The following DTNA variants were observed in gnomAD, a reference collection of about 807,000 sequenced individuals.
The protein encoded by DTNA is dystrophin-related protein 3.
A neutral mutation model predicts 100.7 loss-of-function variants in DTNA; 43 were observed. The observed-to-expected ratio is 0.43, with a 90% CI of 0.33 to 0.55. The LOEUF is 0.55. Ranked by LOEUF, DTNA falls within the 20% of genes least tolerant of loss-of-function variation. DTNA has a pLI of 0.04. For synonymous variants in DTNA, 349 were observed against 347.9 expected (o/e 1.00, Z -0.04); for missense variants, 798 against 953.9 (o/e 0.84, Z 2.15).
intron 1 of DTNA, among the ~76,000 whole-genome samples, chr18:34,535,274 C>A (rs2043580500): frequency 6.6e-6 from 1 of 152,028 alleles, no homozygotes; most frequent in African/African-American, 2.4e-5. Context: ...CGTTTCTTGG[C>A]CAGATAAATG....
In DTNA at chr18:34,888,949, T is replaced by G. The variant is rs959276939; in HGVS notation, c.*1215T>G. On this transcript the variant is annotated 3_prime_UTR_variant, in exon 23 of 23. Transcript: ENST00000444659. ...TCATGTGAAAGGAGACAGGCTCTTC[T>G]AAGTTGAGTTGGGATTTTTGCACTC... is the stretch of plus-strand genomic sequence containing the variant. 2.0e-6 allele frequency: 2 copies of G among 985,754 alleles called. No homozygotes were observed. The highest frequency in any genetic ancestry group is 3.5e-5 in the African/African-American group (2 of 57,240). 61.1% of individuals were successfully genotyped at this position (985,754 alleles called of 1,614,324 possible).
At chr18:34,659,169 A>G (rs2074815370) in intron 1 of DTNA, among the ~76,000 whole-genome samples, 3 of 152,176 alleles carry the variant, frequency 2.0e-5, no homozygotes, top group Admixed American at 1.3e-4. Context: ...GTACTATCCA[A>G]TAGAAACAGG....
intron 5 of DTNA, among the ~76,000 whole-genome samples, chr18:34,809,421 A>G (rs1224463237): frequency 3.9e-5 from 6 of 152,170 alleles, no homozygotes; most frequent in Admixed American, 3.9e-4. Flanking sequence ...ACGCCACTAC[A>G]CTGGGCAACA....
At chr18:34,539,754 T>G (rs1255907266) in intron 1 of DTNA, among the ~76,000 whole-genome samples, 3 of 151,958 alleles carry the variant, frequency 2.0e-5, no homozygotes, top group Non-Finnish European at 4.4e-5. Context: ...CTAAAGTGAT[T>G]TAGGAATTCT....
rs534950687 is a variant in DTNA at position 34,542,959 on chromosome 18, C to T, written c.-2+49445C>T. Among the ~76,000 whole-genome samples the T allele has an allele frequency of 5.9e-5, 9 of 152,072 alleles. No homozygotes were observed. In the East Asian group the frequency reaches 9.7e-4, roughly 16 times the overall value. On this transcript the variant is annotated intron_variant, in intron 1 of 19. Transcript: ENST00000283365. ...TACTAATGAAAAGTCCAGCATGGAT[C>T]TCCAAGAAGCTGCAGACCTGAGTTA...
At chr18:34,551,232 A>T (rs924979034) in intron 1 of DTNA, among the ~76,000 whole-genome samples, 12 of 152,086 alleles carry the variant, frequency 7.9e-5, no homozygotes, top group African/African-American at 2.9e-4. Context: ...AAACTCTTAC[A>T]GTTTGTGTCT....
chr18:34,724,916 G>T (rs1429572979), intron 1 of DTNA, among the ~76,000 whole-genome samples: 1 of 152,146 alleles, frequency 6.6e-6, no homozygotes, highest in African/African-American at 2.4e-5. Context: ...ACATTGATCA[G>T]AAATAACACC....
chr18:34,763,666 G>A (rs1020577083), intron 2 of DTNA, among the ~76,000 whole-genome samples: 14 of 152,066 alleles, frequency 9.2e-5, no homozygotes, highest in African/African-American at 3.4e-4. Flanking sequence ...ATTCTATACA[G>A]GTAAAGCAAT....
At chr18:34,610,293 A>T (rs2053975870) in intron 1 of DTNA, among the ~76,000 whole-genome samples, 1 of 152,154 alleles carries the variant, frequency 6.6e-6, no homozygotes, top group Non-Finnish European at 1.5e-5. Context: ...AGTCAAACCA[A>T]CCAAGAGCTG....
At chr18:34,807,920 A>G (rs1358157299) in intron 5 of DTNA, among the ~76,000 whole-genome samples, 1 of 147,824 alleles carries the variant, frequency 6.8e-6, no homozygotes, top group African/African-American at 2.5e-5. Context: ...CATTTCCTTC[A>G]GGGTTAAGCC....
intron 1 of DTNA, among the ~76,000 whole-genome samples, chr18:34,627,141 C>T (rs2057428285): frequency 6.7e-6 from 1 of 149,750 alleles, no homozygotes; most frequent in African/African-American, 2.5e-5. Flanking sequence ...ACGGATGAGT[C>T]TGAGAGTCAA....
chr18:34,617,482 T>C (rs550322259), intron 1 of DTNA, among the ~76,000 whole-genome samples: 2 of 152,318 alleles, frequency 1.3e-5, no homozygotes, highest in Non-Finnish European at 2.9e-5. Context: ...ACCTACTTGA[T>C]TGTGGTGGAC....
intron 1 of DTNA, among the ~76,000 whole-genome samples, chr18:34,675,629 A>T (rs2077312424): frequency 6.6e-6 from 1 of 152,222 alleles, no homozygotes; most frequent in Admixed American, 6.5e-5. Flanking sequence ...CTTGCTAGTT[A>T]ATCTTGTATT....
In DTNA at chr18:34,890,281, C is replaced by A. The variant is rs1473326739; in HGVS notation, c.*2547C>A. On this transcript the variant is annotated 3_prime_UTR_variant, in exon 23 of 23. Transcript: ENST00000444659. Reference sequence around the variant, plus strand: ...AATGACCAATTTCTGACTAACCAGCCACCTTTTCTCTCTCTTAGCTCCACG... The same window carrying A: ...AATGACCAATTTCTGACTAACCAGCAACCTTTTCTCTCTCTTAGCTCCACG... 6.5e-7 allele frequency: 1 copy of A among 1,528,992 alleles called. No individual in the cohort carries two copies. The highest frequency in any genetic ancestry group is 2.4e-5 in the East Asian group (1 of 40,818). The allele number at this position is 1,528,992 out of a possible 1,614,324, so 94.7% of individuals were successfully genotyped here.
intron 1 of DTNA, among the ~76,000 whole-genome samples, chr18:34,650,413 G>A (rs911615591): frequency 6.6e-6 from 1 of 152,136 alleles, no homozygotes; most frequent in East Asian, 1.9e-4. Context: ...GCATGTGCAT[G>A]TTTGTGTGTT....
intron 1 of DTNA, among the ~76,000 whole-genome samples, chr18:34,665,168 T>C (rs1342734404): frequency 6.6e-6 from 1 of 152,060 alleles, no homozygotes; most frequent in Admixed American, 6.6e-5. Context: ...GCTTCTGTCT[T>C]TTTATGATTT....
At chr18:34,731,509 G>A (rs951825029) in intron 1 of DTNA, among the ~76,000 whole-genome samples, 2 of 152,014 alleles carry the variant, frequency 1.3e-5, no homozygotes, top group African/African-American at 2.4e-5. Context: ...AGATTTGTGC[G>A]AATTTTAGAT....
intron 11 of DTNA, among the ~76,000 whole-genome samples, chr18:34,830,047 T>G (rs1382764302): frequency 6.6e-6 from 1 of 152,192 alleles, no homozygotes; most frequent in Non-Finnish European, 1.5e-5. Flanking sequence ...CACTTGATAA[T>G]GCTGGTGGTG....
chr18:34,776,276 A>T (rs1454583739), intron 3 of DTNA, among the ~76,000 whole-genome samples: 1 of 152,206 alleles, frequency 6.6e-6, no homozygotes, highest in African/African-American at 2.4e-5. Context: ...AACCATTCTG[A>T]GTAATGACAC....
Sources: allele counts gnomAD v4.1 joint callset (sites outside exome capture counted in the v4.1 genomes callset), GRCh38; gene constraint gnomAD v4.1.1; transcripts MANE v1.5; gene names NCBI Gene and HGNC (gene_info 2026-07-23, HGNC 2026-07-21).